The following TMEM276 variants were observed in gnomAD, a reference collection of about 807,000 sequenced individuals.
TMEM276 encodes transmembrane protein 276.
the TMEM276 span, chr8:144,466,984 G>C: frequency 1.3e-6 from 2 of 1,596,368 alleles, no homozygotes; most frequent in Non-Finnish European, 1.7e-6. Flanking sequence ...AGGATGGGTC[G>C]GAAGGCGCAG....
chr8:144,465,180 G>T, the TMEM276 span: 1 of 1,342,900 alleles, frequency 7.4e-7, no homozygotes, highest in Non-Finnish European at 9.7e-7. Context: ...CAGCCCTGGG[G>T]CCCTGGAGCC....
chr8:144,466,468 C>A, the TMEM276 span: 1 of 1,354,028 alleles, frequency 7.4e-7, no homozygotes, highest in Non-Finnish European at 9.6e-7. Flanking sequence ...CAGCCTCTTC[C>A]GCAGGGATGG....
the TMEM276 span, chr8:144,466,258 T>G: frequency 5.0e-6 from 1 of 199,462 alleles, no homozygotes. Flanking sequence ...GGCACCTGTT[T>G]CTAGTACCCC....
the TMEM276 span, chr8:144,464,221 A>G: frequency 6.2e-7 from 1 of 1,613,108 alleles, no homozygotes; most frequent in East Asian, 2.2e-5. Context: ...CTTCGGTAGC[A>G]GCAGCAGCCT....
the TMEM276 span, chr8:144,464,321 T>C: frequency 3.1e-6 from 5 of 1,612,362 alleles, no homozygotes; most frequent in Non-Finnish European, 4.2e-6. Context: ...ACAGCTACAA[T>C]GAGGATGGTC....
chr8:144,465,531 T>TGGGGG, the TMEM276 span: 6 of 396,064 alleles, frequency 1.5e-5, no homozygotes, highest in African/African-American at 3.9e-4. Flanking sequence ...CTAGAGCGGC[T>TGGGGG]GGGGGGGGAG....
At chr8:144,466,417 C>G in the TMEM276 span, 8 of 1,311,292 alleles carry the variant, frequency 6.1e-6, no homozygotes, top group Non-Finnish European at 7.9e-6. Context: ...GCCCCGCGCT[C>G]CCATGTACGC....
chr8:144,464,675 G>A, the TMEM276 span: 20 of 1,571,610 alleles, frequency 1.3e-5, no homozygotes, highest in Middle Eastern at 6.9e-4. Flanking sequence ...TTTTAAACAG[G>A]AAAGGGTTTG....
At chr8:144,466,775 C>T in the TMEM276 span, 5 of 1,532,610 alleles carry the variant, frequency 3.3e-6, no homozygotes, top group South Asian at 2.4e-5. Flanking sequence ...CCGCAAGCCC[C>T]GGGGTCGCCG....
the TMEM276 span, chr8:144,464,769 G>A: frequency 3.7e-6 from 6 of 1,609,504 alleles, no homozygotes; most frequent in South Asian, 4.4e-5. Flanking sequence ...GGGTTTGGGA[G>A]GTATGGGGAT....
chr8:144,463,923 C>T, the TMEM276 span: 7 of 1,440,828 alleles, frequency 4.9e-6, no homozygotes, highest in Non-Finnish European at 6.3e-6. Flanking sequence ...GTGTCTGGGA[C>T]CCTGTCCCTT....
chr8:144,464,882 G>GC, the TMEM276 span: 5 of 1,612,312 alleles, frequency 3.1e-6, no homozygotes, highest in Non-Finnish European at 4.2e-6. Context: ...GCTCCACTCG[G>GC]CCCCCGGCTT....
At chr8:144,466,966 C>A in the TMEM276 span, 35 of 1,594,154 alleles carry the variant, frequency 2.2e-5, no homozygotes, top group East Asian at 7.9e-4. Context: ...CAGCCAGCTC[C>A]GAGCCTGAGG....
At chr8:144,466,188 A>C in the TMEM276 span, 3 of 171,470 alleles carry the variant, frequency 1.7e-5, no homozygotes, top group Non-Finnish European at 2.4e-5. Flanking sequence ...TCCGCGGTGT[A>C]GGGGTTGGGG....
chr8:144,466,436 C>T, the TMEM276 span: 2 of 1,357,384 alleles, frequency 1.5e-6, no homozygotes, highest in Non-Finnish European at 9.6e-7. Flanking sequence ...GCCTTTTACT[C>T]GTTGCTCATC....
At chr8:144,464,262 C>A in the TMEM276 span, 1 of 1,613,272 alleles carries the variant, frequency 6.2e-7, no homozygotes, top group African/African-American at 1.3e-5. Context: ...GGAGGCCTGC[C>A]ACACCCAGCA....
chr8:144,463,975 A>T, the TMEM276 span: 1 of 1,505,990 alleles, frequency 6.6e-7, no homozygotes, highest in Non-Finnish European at 8.8e-7. Flanking sequence ...GCCAAAGGAC[A>T]GCACCCAGAC....
chr8:144,466,400 C>G, the TMEM276 span: 2 of 1,164,696 alleles, frequency 1.7e-6, no homozygotes, highest in Non-Finnish European at 2.2e-6. Context: ...AAGCGGGGCC[C>G]TCTGCCGCCC....
the TMEM276 span, chr8:144,464,217 T>C: frequency 6.2e-7 from 1 of 1,612,958 alleles, no homozygotes; most frequent in African/African-American, 1.3e-5. Flanking sequence ...CCTCCTTCGG[T>C]AGCAGCAGCA....
Sources: allele counts gnomAD v4.1 joint callset, GRCh38; gene constraint gnomAD v4.1.1; transcripts MANE v1.5; gene names NCBI Gene and HGNC (gene_info 2026-07-23, HGNC 2026-07-21).